CNTNAP2: variants seen among roughly 807,000 people sequenced by gnomAD.
CNTNAP2 encodes the protein contactin associated protein 2.
Under a neutral mutation model 155.2 loss-of-function variants are expected in CNTNAP2, and 98 were observed. That is an observed-to-expected ratio of 0.63 (90% CI 0.54 to 0.75). The LOEUF (loss-of-function observed/expected upper bound fraction) is 0.75. Among genes scored for constraint, CNTNAP2 ranks in the 30% least tolerant of loss-of-function variants. The probability of loss-of-function intolerance (pLI) is 0.00; values close to 1 mark genes in which losing one functional copy is unlikely to be tolerated. For missense variants in CNTNAP2, 1,727 were observed against 1,688.1 expected (o/e 1.02, Z -0.40); for synonymous variants, 651 against 631.2 (o/e 1.03, Z -0.47).
chr7:146,588,006 A>ATGTGTGTGTGTG (rs370352120), intron 1 of CNTNAP2, among the ~76,000 whole-genome samples: 23 of 148,938 alleles, frequency 1.5e-4, no homozygotes, highest in East Asian at 4.0e-4. Flanking sequence ...CCGTGTGTGT[A>ATGTGTGTGTGTG]TGTGTGTGTG....
At chr7:146,967,875 C>A (rs1169499369) in intron 3 of CNTNAP2, among the ~76,000 whole-genome samples, 3 of 151,924 alleles carry the variant, frequency 2.0e-5, no homozygotes, top group African/African-American at 7.3e-5. Context: ...AGAGGGCATC[C>A]CTGTCTTGTG....
chr7:146,326,507 G>A (rs1801100235), intron 1 of CNTNAP2, among the ~76,000 whole-genome samples: 1 of 152,130 alleles, frequency 6.6e-6, no homozygotes, highest in African/African-American at 2.4e-5. Context: ...ATCCATGTAG[G>A]ACAAGACTGT....
At chr7:148,115,723 G>A (rs567622465) in intron 15 of CNTNAP2, among the ~76,000 whole-genome samples, 10 of 152,168 alleles carry the variant, frequency 6.6e-5, no homozygotes, top group African/African-American at 2.2e-4. Context: ...TTTGCAAAGC[G>A]CCTTTCTGTT....
At chr7:147,765,650 T>C (rs1476706562) in intron 13 of CNTNAP2, among the ~76,000 whole-genome samples, 1 of 152,120 alleles carries the variant, frequency 6.6e-6, no homozygotes, top group Admixed American at 6.6e-5. Flanking sequence ...TTATGAACAC[T>C]TTGAGAAACC....
chr7:146,780,060 A>C (rs533149785), intron 2 of CNTNAP2, among the ~76,000 whole-genome samples: 1 of 152,270 alleles, frequency 6.6e-6, no homozygotes, highest in African/African-American at 2.4e-5. Context: ...GTCAAATGGT[A>C]TTTCTGGTTC....
chr7:147,259,164 G>A (rs1804399654), intron 8 of CNTNAP2, among the ~76,000 whole-genome samples: 1 of 152,176 alleles, frequency 6.6e-6, no homozygotes, highest in African/African-American at 2.4e-5. Context: ...CAGGTACCTG[G>A]CTGTAGGCAT....
chr7:146,647,719 C>G (rs1258454164), intron 1 of CNTNAP2, among the ~76,000 whole-genome samples: 1 of 152,214 alleles, frequency 6.6e-6, no homozygotes, highest in African/African-American at 2.4e-5. Flanking sequence ...GCTCAAACTC[C>G]GTTTTGACCT....
intron 1 of CNTNAP2, among the ~76,000 whole-genome samples, chr7:146,461,800 A>C (rs73462749): frequency 0.027 from 4,164 of 152,300 alleles, 139 homozygotes; most frequent in African/African-American, 0.074. Context: ...TAAAAGTCAC[A>C]TAATGCTTTC....
At chr7:146,298,386 A>G (rs1411081615) in intron 1 of CNTNAP2, among the ~76,000 whole-genome samples, 1 of 152,194 alleles carries the variant, frequency 6.6e-6, no homozygotes, top group Non-Finnish European at 1.5e-5. Context: ...GAAACAGAAG[A>G]TATTACTAGT....
At chr7:146,960,619 T>C (rs939608347) in intron 3 of CNTNAP2, among the ~76,000 whole-genome samples, 2 of 152,220 alleles carry the variant, frequency 1.3e-5, no homozygotes, top group African/African-American at 4.8e-5. Flanking sequence ...TTATCAACAA[T>C]CTGAGATGCA....
chr7:146,989,190 T>C (rs552533516), intron 3 of CNTNAP2, among the ~76,000 whole-genome samples: 2 of 152,036 alleles, frequency 1.3e-5, no homozygotes, highest in East Asian at 3.9e-4. Context: ...TTGGGATCAC[T>C]ACCTGTGGAA....
intron 5 of CNTNAP2, among the ~76,000 whole-genome samples, chr7:147,117,197 G>C (rs1399197346): frequency 1.3e-5 from 2 of 152,132 alleles, no homozygotes; most frequent in Non-Finnish European, 2.9e-5. Flanking sequence ...GGTGGAGTTT[G>C]TAAAGCTCCA....
chr7:146,888,097 A>C (rs1268169329), intron 3 of CNTNAP2, among the ~76,000 whole-genome samples: 1 of 152,152 alleles, frequency 6.6e-6, no homozygotes, highest in Non-Finnish European at 1.5e-5. Flanking sequence ...CTCAAGGACC[A>C]GGTTTTTGTG....
chr7:146,443,905 A>G (rs35859520), intron 1 of CNTNAP2, among the ~76,000 whole-genome samples: 46,003 of 152,096 alleles, frequency 0.3, 7,121 homozygotes, highest in Admixed American at 0.43. Context: ...ATAGCCTGTG[A>G]ATATGGCTAG....
intron 10 of CNTNAP2, among the ~76,000 whole-genome samples, chr7:147,432,408 A>G (rs1277820388): frequency 2.0e-5 from 3 of 152,240 alleles, no homozygotes; most frequent in Non-Finnish European, 4.4e-5. Flanking sequence ...TTTAAAAAAT[A>G]GAAATCATGC....
intron 8 of CNTNAP2, among the ~76,000 whole-genome samples, chr7:147,221,789 AT>A (rs1803406866): frequency 6.6e-6 from 1 of 152,032 alleles, no homozygotes; most frequent in Non-Finnish European, 1.5e-5. Flanking sequence ...AGTCCCCTTA[AT>A]TTTTTTCTTT....
At chr7:146,120,025 C>T (rs1351199507) in intron 1 of CNTNAP2, among the ~76,000 whole-genome samples, 1 of 151,568 alleles carries the variant, frequency 6.6e-6, no homozygotes, top group African/African-American at 2.4e-5. Flanking sequence ...TCTAAAACAC[C>T]ATTCAAGGAA....
intron 10 of CNTNAP2, among the ~76,000 whole-genome samples, chr7:147,418,123 TC>T (rs1185867788): frequency 6.6e-6 from 1 of 152,206 alleles, no homozygotes; most frequent in Non-Finnish European, 1.5e-5. Flanking sequence ...AAAGCATAGT[TC>T]TATGGTACTT....
chr7:146,673,972 C>A (rs990469483), intron 1 of CNTNAP2, among the ~76,000 whole-genome samples: 1 of 152,188 alleles, frequency 6.6e-6, no homozygotes, highest in African/African-American at 2.4e-5. Context: ...CCTACTAAAA[C>A]CTTTATGTAC....
Sources: gnomAD v4.1 joint callset for allele counts (sites outside exome capture counted in the v4.1 genomes callset) on GRCh38, gnomAD v4.1.1 for gene constraint, MANE v1.5 for transcripts, NCBI Gene and HGNC (gene_info 2026-07-23, HGNC 2026-07-21) for gene names.